Variants in DCC observed in about 807,000 individuals in gnomAD.
DCC encodes netrin receptor DCC.
A neutral mutation model predicts 172.5 loss-of-function variants in DCC; 58 were observed. That is an observed-to-expected ratio of 0.34 (90% CI 0.27 to 0.42). DCC has a LOEUF of 0.42. Ranked by LOEUF, DCC falls within the 10% of genes least tolerant of loss-of-function variation. The pLI is 1.00. For synonymous variants in DCC, 709 were observed against 644.5 expected, an observed-to-expected ratio of 1.10 and a Z score of -1.52; for missense variants, 1,740 against 1,791.0, an observed-to-expected ratio of 0.97 and a Z score of 0.51.
chr18:52,770,520 A>G (rs1568092118), intron 2 of DCC, among the ~76,000 whole-genome samples: 2 of 152,304 alleles, frequency 1.3e-5, no homozygotes, highest in Admixed American at 6.5e-5. Flanking sequence ...GCTTCCTGAG[A>G]GCAGTCAGAA....
chr18:52,745,202 A>T (rs1211037705), intron 1 of DCC, among the ~76,000 whole-genome samples: 1 of 152,216 alleles, frequency 6.6e-6, no homozygotes, highest in African/African-American at 2.4e-5. Flanking sequence ...GTGTTCAATT[A>T]TTTGCCTTTC....
chr18:52,394,465 G>A (rs574279646), intron 1 of DCC, among the ~76,000 whole-genome samples: 4 of 151,460 alleles, frequency 2.6e-5, no homozygotes. Context: ...TTGTAGAGGT[G>A]GAGGTCTTGC....
At chr18:52,355,484 G>A (rs1464028943) in intron 1 of DCC, among the ~76,000 whole-genome samples, 2 of 152,178 alleles carry the variant, frequency 1.3e-5, no homozygotes, top group African/African-American at 4.8e-5. Flanking sequence ...AATTTGGAAA[G>A]CCATTGCTGA....
At chr18:52,921,724 A>AATAT (rs1555682013) in intron 3 of DCC, among the ~76,000 whole-genome samples, 18 of 149,676 alleles carry the variant, frequency 1.2e-4, no homozygotes, top group Admixed American at 1.0e-3. Context: ...TAATAATAAT[A>AATAT]ATATATATAA....
intron 2 of DCC, among the ~76,000 whole-genome samples, chr18:52,795,899 T>C (rs76398680): frequency 0.043 from 6,539 of 152,058 alleles, 219 homozygotes; most frequent in South Asian, 0.16. Context: ...CAGTTTTCAA[T>C]ATTCTTTCTA....
At chr18:53,525,339 G>A (rs752038313) in intron 27 of DCC, among the ~76,000 whole-genome samples, 3 of 151,986 alleles carry the variant, frequency 2.0e-5, no homozygotes, top group Admixed American at 6.6e-5. Context: ...TGAAGAAAAC[G>A]ATTCATGTTT....
intron 2 of DCC, among the ~76,000 whole-genome samples, chr18:52,887,204 T>C (rs903367850): frequency 3.9e-5 from 6 of 152,202 alleles, no homozygotes; most frequent in African/African-American, 1.2e-4. Flanking sequence ...CTTTGTGCTT[T>C]TATCTAAATC....
At chr18:52,435,541 AC>A (rs1248634933) in intron 1 of DCC, among the ~76,000 whole-genome samples, 1 of 152,108 alleles carries the variant, frequency 6.6e-6, no homozygotes, top group Non-Finnish European at 1.5e-5. Flanking sequence ...TCAGATGCTC[AC>A]CCAGCTCTGA....
In DCC at chr18:52,767,423, C is replaced by G. The variant is rs57475316; in HGVS notation, c.412+15049C>G. On this transcript the variant is annotated intron_variant, in intron 2 of 28. Coordinates refer to ENST00000442544, the MANE Select transcript of DCC (RefSeq NM_005215.4). ...CTACCTATTGGCCAGCTACTCCAGG[C>G]AGCCTTTAACATATCACAAAAGTAA... is the stretch of plus-strand genomic sequence containing the variant. Among the ~76,000 whole-genome samples the G allele has an allele frequency of 6.6e-3, 998 of 152,282 alleles. 11 individuals carry two copies. The highest frequency in any genetic ancestry group is 0.023 in the African/African-American group (954 of 41,558).
intron 26 of DCC, among the ~76,000 whole-genome samples, chr18:53,494,829 T>TA (rs2046000632): frequency 1.6e-4 from 25 of 152,214 alleles, no homozygotes; most frequent in Admixed American, 1.6e-3. Context: ...TATGTGTGTA[T>TA]TTAATCCTGT....
intron 5 of DCC, among the ~76,000 whole-genome samples, chr18:52,958,650 T>A (rs1893570): frequency 0.97 from 147,944 of 152,238 alleles, 72,044 homozygotes; most frequent in Middle Eastern, 1. Flanking sequence ...GACAGAAAGA[T>A]CAGGACTTGG....
At chr18:52,810,471 G>A (rs1297261118) in intron 2 of DCC, among the ~76,000 whole-genome samples, 13 of 152,210 alleles carry the variant, frequency 8.5e-5, no homozygotes, top group Admixed American at 7.2e-4. Flanking sequence ...ATAAGGATGT[G>A]CTGTATATTG....
At chr18:52,996,947 G>A (rs1332709728) in intron 5 of DCC, among the ~76,000 whole-genome samples, 1 of 151,902 alleles carries the variant, frequency 6.6e-6, no homozygotes, top group Admixed American at 6.6e-5. Context: ...CAGCAATCAA[G>A]TATTAACTGG....
intron 2 of DCC, among the ~76,000 whole-genome samples, chr18:52,769,521 T>G (rs2037306240): frequency 1.3e-5 from 2 of 152,346 alleles, no homozygotes; most frequent in Admixed American, 1.3e-4. Context: ...GTTCTGGAGC[T>G]TGTGTCTTCA....
At chr18:53,401,892 T>G (rs937955792) in intron 18 of DCC, among the ~76,000 whole-genome samples, 2 of 152,172 alleles carry the variant, frequency 1.3e-5, no homozygotes, top group Non-Finnish European at 2.9e-5. Flanking sequence ...TTTAAAATTG[T>G]TTTGAGTACA....
chr18:53,111,402 TAATAA>T (rs1166107172), intron 7 of DCC, among the ~76,000 whole-genome samples: 135 of 130,536 alleles, frequency 1.0e-3, no homozygotes, highest in African/African-American at 2.2e-3. Context: ...AGTATAATAA[TAATAA>T]AATAAAATAA....
chr18:53,437,656 C>T (rs1337776477), intron 22 of DCC, among the ~76,000 whole-genome samples: 1 of 147,706 alleles, frequency 6.8e-6, no homozygotes, highest in African/African-American at 2.5e-5. Flanking sequence ...AGAAAACAGA[C>T]CCCAGGCCAT....
At chr18:52,800,344 TAC>T (rs1262049157) in intron 2 of DCC, among the ~76,000 whole-genome samples, 1 of 152,252 alleles carries the variant, frequency 6.6e-6, no homozygotes, top group African/African-American at 2.4e-5. Context: ...GTGAAGTTTT[TAC>T]AGACTGATGG....
At position 52,499,711 on chromosome 18, in the gene DCC, C is replaced by A. The variant is rs189761544; in HGVS notation, c.91+158833C>A. ...ACTGTGAGTTGATTCCCTAGAGAGC[C>A]ATTCTATTATTCCTCCCTTCTGTAT... On this transcript the variant is annotated intron_variant, in intron 1 of 28. Transcript: ENST00000442544. 1.2e-3 allele frequency among the ~76,000 whole-genome samples: 175 copies of A among 152,140 alleles called. 1 individual carries two copies. Among genetic ancestry groups the A allele is most frequent in the Non-Finnish European group, 2.0e-3 (136 of 68,006 alleles).
Sources: gnomAD v4.1 joint callset for allele counts (sites outside exome capture counted in the v4.1 genomes callset) on GRCh38, gnomAD v4.1.1 for gene constraint, MANE v1.5 for transcripts, NCBI Gene and HGNC (gene_info 2026-07-23, HGNC 2026-07-21) for gene names.